Variants in LGR6 observed in about 807,000 individuals in gnomAD.
LGR6 encodes the protein leucine rich repeat containing G protein-coupled receptor 6.
LGR6 carries 45 observed loss-of-function variants against 69.4 expected under a neutral mutation model. The ratio of observed to expected loss-of-function variants is 0.65; its 90% confidence interval spans 0.51 to 0.83. The LOEUF (loss-of-function observed/expected upper bound fraction) is 0.83. LGR6 is among the 40% of genes least tolerant of loss of function. The pLI is 0.00. For synonymous variants in LGR6, 538 were observed against 555.0 expected, an observed-to-expected ratio of 0.97 and a Z score of 0.43; for missense variants, 1,108 against 1,246.7, an observed-to-expected ratio of 0.89 and a Z score of 1.68.
intron 4 of LGR6, among the ~76,000 whole-genome samples, chr1:202,270,620 A>G (rs1665019438): frequency 6.6e-6 from 1 of 152,278 alleles, no homozygotes; most frequent in Non-Finnish European, 1.5e-5. Flanking sequence ...GGCTCCTCAT[A>G]TGAGACGAGT....
intron 3 of LGR6, among the ~76,000 whole-genome samples, chr1:202,229,420 GAC>G (rs1489487894): frequency 6.6e-6 from 1 of 152,192 alleles, no homozygotes; most frequent in Admixed American, 6.5e-5. Flanking sequence ...TTCTGAAACA[GAC>G]ACACAGTGCA....
chr1:202,228,048 C>T, intron 3 of LGR6, 41 bp downstream of exon 3: 1 of 1,417,508 alleles, frequency 7.1e-7, no homozygotes, highest in Non-Finnish European at 9.9e-7. Context: ...AGCTGCAGCA[C>T]TGAGAATGGT....
At chr1:202,299,354 G>A (rs1667408191) in intron 7 of LGR6, among the ~76,000 whole-genome samples, 1 of 152,074 alleles carries the variant, frequency 6.6e-6, no homozygotes, top group Non-Finnish European at 1.5e-5. Flanking sequence ...TTGATCTGGG[G>A]CATGAGAGAA....
chr1:202,311,722 G>A (rs560414040), intron 16 of LGR6, among the ~76,000 whole-genome samples: 100 of 152,286 alleles, frequency 6.6e-4, no homozygotes, highest in African/African-American at 2.2e-3. Flanking sequence ...TAGGCTGTTG[G>A]GGAAGACTAA....
At chr1:202,227,823 T>C (rs1660678851) in intron 2 of LGR6, 113 bp from the exon 3 acceptor site, 2 of 726,262 alleles carry the variant, frequency 2.8e-6, no homozygotes. Flanking sequence ...TTTCAATAAA[T>C]AGTAGTTTTT....
intron 4 of LGR6, among the ~76,000 whole-genome samples, chr1:202,256,200 G>A (rs1035522896): frequency 6.6e-6 from 1 of 151,924 alleles, no homozygotes; most frequent in African/African-American, 2.4e-5. Context: ...TCATCCATGT[G>A]TATATTTATG....
intron 1 of LGR6, chr1:202,203,993 T>C: frequency 1.4e-6 from 1 of 736,658 alleles, no homozygotes; most frequent in South Asian, 1.5e-5. Context: ...TTGTAGGGTG[T>C]GTGTGTCCCC....
rs138602549 is a variant in LGR6 at position 202,217,104 on chromosome 1, C to T, written c.213-8319C>T. 4.3e-3 allele frequency among the ~76,000 whole-genome samples: 656 copies of T among 152,350 alleles called. 4 individuals are homozygous for T. Among genetic ancestry groups the T allele is most frequent in the South Asian group, 0.02 (95 of 4,834 alleles). On this transcript the variant is annotated intron_variant, in intron 1 of 17. Transcript: ENST00000367278. ...CTAAGTCCCTCCCAGGAGGATTCCCCTGCAGTGCTGAGGGTGGGGACCGGC... is the reference window on the plus strand; with the variant it reads ...CTAAGTCCCTCCCAGGAGGATTCCCTTGCAGTGCTGAGGGTGGGGACCGGC...
intron 1 of LGR6, among the ~76,000 whole-genome samples, chr1:202,213,124 GC>G (rs1216911629): frequency 3.3e-5 from 5 of 152,180 alleles, no homozygotes; most frequent in African/African-American, 1.2e-4. Flanking sequence ...CCAGGGCTCT[GC>G]ATAAACTGGT....
rs540133579 is a variant in LGR6, at chr1:202,219,964, A to G, written c.213-5459A>G. 2.0e-5 allele frequency among the ~76,000 whole-genome samples: 3 copies of G among 151,448 alleles called. 1 individual carries two copies. Among genetic ancestry groups the G allele is most frequent in the Admixed American group, 2.0e-4 (3 of 15,202 alleles). ...GATCTTGACTCACTGCAACCTCTTC[A>G]TCCTCCCAGGTTCAAGCAATTCTCC... On this transcript the variant is annotated intron_variant, in intron 1 of 17. Transcript: ENST00000367278.
chr1:202,214,260 G>A (rs1326353022), intron 1 of LGR6: 8 of 1,523,460 alleles, frequency 5.3e-6, no homozygotes, highest in South Asian at 1.3e-5. Context: ...GAAGGGTGCC[G>A]AGCTCCGGAA....
intron 3 of LGR6, among the ~76,000 whole-genome samples, chr1:202,233,370 T>C (rs897214056): frequency 1.3e-5 from 2 of 152,132 alleles, no homozygotes; most frequent in Non-Finnish European, 2.9e-5. Context: ...GGGTGGGGCC[T>C]GTGAAGAGGC....
chr1:202,208,947 T>C (rs1281858678), intron 1 of LGR6, among the ~76,000 whole-genome samples: 1 of 152,062 alleles, frequency 6.6e-6, no homozygotes, highest in Non-Finnish European at 1.5e-5. Context: ...GCTTGGAAGC[T>C]CAGAAACTTG....
chr1:202,270,745 C>T (rs1245090809), intron 4 of LGR6, among the ~76,000 whole-genome samples: 1 of 152,212 alleles, frequency 6.6e-6, no homozygotes, highest in East Asian at 1.9e-4. Context: ...TCTTCTGCTA[C>T]GCTTGCTCCC....
intron 4 of LGR6, among the ~76,000 whole-genome samples, chr1:202,269,259 C>T (rs1405012300): frequency 6.6e-6 from 1 of 152,076 alleles, no homozygotes; most frequent in African/African-American, 2.4e-5. Context: ...CACTCCTATT[C>T]AGGAGGGTCT....
chr1:202,205,884 AAACACACACACACCT>A (rs1659203597), intron 1 of LGR6, among the ~76,000 whole-genome samples: 1 of 145,830 alleles, frequency 6.9e-6, no homozygotes, highest in African/African-American at 2.7e-5. Flanking sequence ...CCCGTCCTTC[AAACACACACACACCT>A]AACACACACA....
intron 4 of LGR6, among the ~76,000 whole-genome samples, chr1:202,252,780 G>A (rs1207348609): frequency 6.6e-6 from 1 of 152,250 alleles, no homozygotes; most frequent in Non-Finnish European, 1.5e-5. Context: ...TGGCAGATGG[G>A]TATGCTTCCT....
intron 14 of LGR6, among the ~76,000 whole-genome samples, chr1:202,307,823 G>GT (rs1375873194): frequency 2.0e-5 from 3 of 152,210 alleles, no homozygotes; most frequent in Non-Finnish European, 2.9e-5. Context: ...CTGCCATTCT[G>GT]TGAGGCAGCA....
chr1:202,209,007 C>G (rs6665965), intron 1 of LGR6, among the ~76,000 whole-genome samples: 83,573 of 151,976 alleles, frequency 0.55, 22,889 homozygotes, highest in East Asian at 0.63. Flanking sequence ...CCCCTAACCT[C>G]GGCTGGGACC....
Sources: allele counts gnomAD v4.1 joint callset (sites outside exome capture counted in the v4.1 genomes callset), GRCh38; gene constraint gnomAD v4.1.1; transcripts MANE v1.5; gene names NCBI Gene and HGNC (gene_info 2026-07-23, HGNC 2026-07-21).